Variants in FIP1L1 observed in about 807,000 individuals in gnomAD.
The protein encoded by FIP1L1 is pre-mRNA 3'-end-processing factor FIP1.
FIP1L1 carries 21 observed loss-of-function variants against 84.6 expected under a neutral mutation model. The observed-to-expected ratio is 0.25, with a 90% CI of 0.18 to 0.36. FIP1L1 has a LOEUF of 0.36. FIP1L1 is among the 10% of genes least tolerant of loss of function. The pLI is 1.00. For missense variants in FIP1L1, 526 were observed against 751.1 expected (o/e 0.70, Z 3.50); for synonymous variants, 263 against 242.3 (o/e 1.09, Z -0.80).
At chr4:53,427,894 T>TC in intron 12 of FIP1L1, 133 bp from the exon 13 acceptor site, 2 of 699,476 alleles carry the variant, frequency 2.9e-6, no homozygotes, top group Non-Finnish European at 2.3e-6. Flanking sequence ...ACTATTACTC[T>TC]CCCCCCAAAA....
chr4:53,388,624 C>T (rs538747179), intron 5 of FIP1L1, among the ~76,000 whole-genome samples: 179 of 152,310 alleles, frequency 1.2e-3, no homozygotes, highest in Non-Finnish European at 1.9e-3. Context: ...CGTGAGCCGC[C>T]GTGCCCGGCC....
chr4:53,387,336 G>T (rs1247796956), intron 5 of FIP1L1, among the ~76,000 whole-genome samples: 1 of 152,176 alleles, frequency 6.6e-6, no homozygotes, highest in Non-Finnish European at 1.5e-5. Flanking sequence ...TAACTGGTTG[G>T]TTGTGGATGG....
At chr4:53,442,052 G>A (rs1241863569) in intron 13 of FIP1L1, among the ~76,000 whole-genome samples, 1 of 151,912 alleles carries the variant, frequency 6.6e-6, no homozygotes, top group African/African-American at 2.4e-5. Context: ...CAGACCCCAC[G>A]ATATAGAGGT....
chr4:53,393,404 T>TTTTATTA (rs2149407606), intron 9 of FIP1L1, among the ~76,000 whole-genome samples: 1 of 152,368 alleles, frequency 6.6e-6, no homozygotes, highest in African/African-American at 2.4e-5. Context: ...TATTTACTTT[T>TTTTATTA]CATTAAACAA....
intron 11 of FIP1L1, among the ~76,000 whole-genome samples, 191 bp from the exon 12 acceptor site, chr4:53,425,681 T>G (rs1764045633): frequency 6.6e-6 from 1 of 152,160 alleles, no homozygotes; most frequent in South Asian, 2.1e-4. Context: ...CTAGCTTGTT[T>G]ATTAATAAAA....
intron 15 of FIP1L1, among the ~76,000 whole-genome samples, chr4:53,451,931 C>T (rs1176931889): frequency 1.3e-5 from 2 of 150,602 alleles, no homozygotes; most frequent in Admixed American, 6.6e-5. Flanking sequence ...TTGCCCAGTC[C>T]GGAGTATAGT....
At chr4:53,427,363 C>G (rs1257644797) in intron 12 of FIP1L1, among the ~76,000 whole-genome samples, 1 of 152,202 alleles carries the variant, frequency 6.6e-6, no homozygotes, top group Admixed American at 6.5e-5. Flanking sequence ...TGTTTTATTT[C>G]AGTAGGTTTG....
intron 13 of FIP1L1, among the ~76,000 whole-genome samples, chr4:53,436,529 G>A (rs1769267737): frequency 6.6e-6 from 1 of 152,166 alleles, no homozygotes; most frequent in Non-Finnish European, 1.5e-5. Context: ...AGTCATGGAA[G>A]TAACATCCTT....
At chr4:53,443,163 G>A (rs966263956) in intron 14 of FIP1L1, among the ~76,000 whole-genome samples, 6 of 152,086 alleles carry the variant, frequency 3.9e-5, no homozygotes, top group African/African-American at 1.2e-4. Context: ...ATTCTGTGTG[G>A]CAGTAGCCTT....
chr4:53,381,753 C>CTTTTTTTTTTCTTTTTT (rs1738066628), intron 3 of FIP1L1, among the ~76,000 whole-genome samples: 1 of 87,948 alleles, frequency 1.1e-5, no homozygotes. Context: ...CATTTGCATT[C>CTTTTTTTTTTCTTTTTT]TTTTTTTTTT....
At chr4:53,448,345 C>T (rs553575125) in intron 15 of FIP1L1, among the ~76,000 whole-genome samples, 85 of 152,028 alleles carry the variant, frequency 5.6e-4, no homozygotes, top group Non-Finnish European at 8.5e-4. Context: ...TGTCCCTGTG[C>T]TAATAAATTC....
intron 4 of FIP1L1, 54 bp downstream of exon 4, chr4:53,382,389 C>G: frequency 7.1e-7 from 1 of 1,412,384 alleles, no homozygotes; most frequent in Non-Finnish European, 1.0e-6. Flanking sequence ...TCAATAGCTT[C>G]ACAGTTTACA....
In FIP1L1 at chr4:53,444,463, T is replaced by G. The variant is rs1773340768; in HGVS notation, c.1285+360T>G. On this transcript the variant is annotated intron_variant, in intron 15 of 17. Transcript: ENST00000337488. Reference sequence around the variant, plus strand: ...GTTTCCATCTTTCTCCCTCGCTGGTTTATTTTTTTTCTGTATCATGTGTAG... The same window carrying G: ...GTTTCCATCTTTCTCCCTCGCTGGTGTATTTTTTTTCTGTATCATGTGTAG... Among the ~76,000 whole-genome samples the G allele has an allele frequency of 2.0e-5, 3 of 152,214 alleles. No homozygotes were observed. The South Asian group carries it at 6.2e-4, about 32-fold the overall frequency.
At chr4:53,422,440 A>G (rs1317543431) in intron 11 of FIP1L1, among the ~76,000 whole-genome samples, 1 of 151,982 alleles carries the variant, frequency 6.6e-6, no homozygotes, top group South Asian at 2.1e-4. Flanking sequence ...TCAGAGGAGA[A>G]TCTTTTTCTG....
rs1225418036 is a variant in FIP1L1, at chr4:53,460,265, A to ATTTC, written c.*819_*822dup. ...ATTGTGGAAAAAAAGAGCTTTAGCC[A>ATTTC]TTTCTTACTAAAAACAAAACAAGTT... On this transcript the variant is annotated 3_prime_UTR_variant, in exon 18 of 18. Transcript: ENST00000337488. 7.8e-5 allele frequency: 15 copies of ATTTC among 192,212 alleles called. No individual in the cohort carries two copies. Among genetic ancestry groups the ATTTC allele is most frequent in the East Asian group, 1.7e-4 (2 of 12,092 alleles). The allele number at this position is 192,212 out of a possible 1,614,324, so 11.9% of individuals were successfully genotyped here. A position where few individuals can be genotyped will look rare whatever the true frequency, so the allele number is the denominator to read the frequency against.
chr4:53,450,170 G>A (rs1775811087), intron 15 of FIP1L1, among the ~76,000 whole-genome samples: 1 of 151,880 alleles, frequency 6.6e-6, no homozygotes, highest in South Asian at 2.1e-4. Context: ...CTTTTCTAAT[G>A]TAGTATTTTA....
rs528415618 is a variant in FIP1L1 at position 53,423,114 on chromosome 4, T to C, written c.924-2758T>C. On this transcript the variant is annotated intron_variant, in intron 11 of 17. Transcript: ENST00000337488. ...GGGAGCCCTCAGATTCTTTCTGGGA[T>C]ATCAGAATCATCAAAATATGATAAT... Among the ~76,000 whole-genome samples the C allele has an allele frequency of 2.0e-5, 3 of 152,338 alleles. No homozygotes were observed. In the South Asian group the frequency reaches 6.2e-4, roughly 32 times the overall value.
chr4:53,393,013 T>C (rs1474704309), intron 9 of FIP1L1, among the ~76,000 whole-genome samples: 1 of 152,208 alleles, frequency 6.6e-6, no homozygotes, highest in Non-Finnish European at 1.5e-5. Context: ...ACATTTTTTC[T>C]TTATGTATAT....
In FIP1L1 at chr4:53,408,170, G is replaced by A. The variant is rs201120278; in HGVS notation, c.816-6445G>A. Among the ~76,000 whole-genome samples the A allele has an allele frequency of 1.4e-4, 22 of 152,274 alleles. No individual in the cohort carries two copies. In the East Asian group the frequency reaches 3.5e-3, roughly 24 times the overall value. On this transcript the variant is annotated intron_variant, in intron 10 of 17. Transcript: ENST00000337488. ...TCCAAGTTTAGTGCTTCCTTCAGGA[G>A]CTCTTTTAGGGCAGGCCTGGTGGTG...
Sources: gnomAD v4.1 joint callset for allele counts (sites outside exome capture counted in the v4.1 genomes callset) on GRCh38, gnomAD v4.1.1 for gene constraint, MANE v1.5 for transcripts, NCBI Gene and HGNC (gene_info 2026-07-23, HGNC 2026-07-21) for gene names.